Variants in CCNY observed in about 807,000 individuals in gnomAD.
CCNY encodes the protein cyclin Y.
Under a neutral mutation model 42.8 loss-of-function variants are expected in CCNY, and 19 were observed. The observed-to-expected ratio is 0.44, with a 90% CI of 0.31 to 0.65. The LOEUF (loss-of-function observed/expected upper bound fraction) is 0.65, where lower values mean the gene tolerates loss of function less well. CCNY is among the 30% of genes least tolerant of loss of function. CCNY has a pLI of 0.07. For synonymous variants in CCNY, 165 were observed against 162.7 expected (o/e 1.01, Z -0.11); for missense variants, 370 against 437.3 (o/e 0.85, Z 1.37).
At chr10:35,254,119 C>T (rs933136603) in intron 3 of CCNY, among the ~76,000 whole-genome samples, 2 of 152,062 alleles carry the variant, frequency 1.3e-5, no homozygotes, top group South Asian at 2.1e-4. Flanking sequence ...CCTTGTGATC[C>T]GCCGGCCTCA....
At chr10:35,394,549 G>A (rs1564394612) in intron 1 of CCNY, among the ~76,000 whole-genome samples, 3 of 152,208 alleles carry the variant, frequency 2.0e-5, no homozygotes, top group Non-Finnish European at 4.4e-5. Flanking sequence ...AAGTGTATGG[G>A]TCACACGGCC....
At chr10:35,511,511 G>A (rs1840325298) in intron 3 of CCNY, among the ~76,000 whole-genome samples, 1 of 152,200 alleles carries the variant, frequency 6.6e-6, no homozygotes, top group South Asian at 2.1e-4. Flanking sequence ...GTACAAGAAG[G>A]TTTAGGAATG....
Position 35,404,502 on chromosome 10 carries a change from C to T in CCNY, c.154+67295C>T, listed in dbSNP as rs373150125. ...TATATAATGGTTTTGTTAGGATGGC[C>T]GTCAATACCCACAACAGTTATGGAG... On this transcript the variant is annotated intron_variant, in intron 1 of 9. Coordinates refer to ENST00000374704, the MANE Select transcript of CCNY (RefSeq NM_145012.6). 3.7e-4 allele frequency among the ~76,000 whole-genome samples: 56 copies of T among 152,070 alleles called. 1 individual carries two copies. The highest frequency in any genetic ancestry group is 1.4e-3 in the African/African-American group (56 of 41,476).
chr10:35,553,772 T>C (rs1006349652), intron 8 of CCNY, among the ~76,000 whole-genome samples: 1 of 152,090 alleles, frequency 6.6e-6, no homozygotes, highest in Non-Finnish European at 1.5e-5. Flanking sequence ...GACTGAGAGC[T>C]GTCCACTCCC....
rs74505489 is a variant in CCNY, at chr10:35,310,221, T to C, written c.-9+59595T>C. The stretch of plus-strand genomic sequence containing the variant: ...GCTTATTTCATTTCACATAATGTCC[T>C]CCAGGTCAACTCATGTTGCTGCAAA... On this transcript the variant is annotated intron_variant, in intron 3 of 11. Transcript: ENST00000374706. Among the ~76,000 whole-genome samples, 130 of 152,360 alleles carry C rather than the reference T, an allele frequency of 8.5e-4. 1 individual carries two copies. In the East Asian group the frequency reaches 0.024, roughly 28 times the overall value.
chr10:35,464,313 C>T (rs1839213469), intron 1 of CCNY, among the ~76,000 whole-genome samples: 1 of 152,176 alleles, frequency 6.6e-6, no homozygotes, highest in Non-Finnish European at 1.5e-5. Flanking sequence ...ATCTTCAAAT[C>T]CATCTACTTT....
upstream of CCNY, among the ~76,000 whole-genome samples, chr10:35,333,952 T>C (rs932348824): frequency 1.3e-5 from 2 of 150,222 alleles, no homozygotes; most frequent in East Asian, 2.0e-4. Context: ...TCCAGGATTC[T>C]TGACCAAAAG....
intron 3 of CCNY, among the ~76,000 whole-genome samples, chr10:35,272,519 T>C (rs1835183306): frequency 6.6e-6 from 1 of 152,204 alleles, no homozygotes; most frequent in Non-Finnish European, 1.5e-5. Flanking sequence ...GAACATGTGA[T>C]GTTTGGTTTT....
At chr10:35,520,164 A>G (rs1374418869) in intron 4 of CCNY, among the ~76,000 whole-genome samples, 4 of 152,156 alleles carry the variant, frequency 2.6e-5, no homozygotes, top group Non-Finnish European at 5.9e-5. Context: ...CCAGCATCTC[A>G]CACTTGGTGT....
intron 3 of CCNY, chr10:35,316,271 A>G (rs968767007): frequency 5.9e-5 from 9 of 152,374 alleles, no homozygotes; most frequent in Non-Finnish European, 1.2e-4. Context: ...TAACCTGAGC[A>G]TATGCCCCAG....
intron 2 of CCNY, among the ~76,000 whole-genome samples, chr10:35,250,280 A>G (rs2135019745): frequency 6.6e-6 from 1 of 151,852 alleles, no homozygotes; most frequent in East Asian, 1.9e-4. Flanking sequence ...CAGGAGAATC[A>G]CTTGAACCTG....
intron 3 of CCNY, among the ~76,000 whole-genome samples, chr10:35,514,984 C>G (rs1564441912): frequency 6.6e-6 from 1 of 152,182 alleles, no homozygotes; most frequent in Non-Finnish European, 1.5e-5. Context: ...CTGTGACTTA[C>G]ATGTGATTCT....
intron 1 of CCNY, among the ~76,000 whole-genome samples, chr10:35,408,110 G>A (rs997730015): frequency 5.3e-5 from 8 of 152,192 alleles, no homozygotes; most frequent in Non-Finnish European, 7.3e-5. Context: ...TTGAGGGATA[G>A]TGAGAGAGGT....
At chr10:35,475,452 C>T (rs1341255674) in intron 1 of CCNY, among the ~76,000 whole-genome samples, 1 of 151,848 alleles carries the variant, frequency 6.6e-6, no homozygotes, top group African/African-American at 2.4e-5. Context: ...GGCAGAAACC[C>T]TACAAGCCAG....
intron 1 of CCNY, among the ~76,000 whole-genome samples, chr10:35,384,041 C>T (rs985398047): frequency 3.3e-5 from 5 of 152,038 alleles, no homozygotes; most frequent in African/African-American, 1.2e-4. Context: ...GTTTCACAGA[C>T]AGCACACTGG....
At chr10:35,264,826 G>T (rs557076405) in intron 3 of CCNY, among the ~76,000 whole-genome samples, 2 of 151,598 alleles carry the variant, frequency 1.3e-5, no homozygotes, top group Non-Finnish European at 2.9e-5. Context: ...GGCTAATTTC[G>T]CCAAGTTCGC....
chr10:35,323,925 T>C (rs1030190603), intron 3 of CCNY, among the ~76,000 whole-genome samples: 1 of 151,280 alleles, frequency 6.6e-6, no homozygotes, highest in Non-Finnish European at 1.5e-5. Flanking sequence ...GAGGCTGATA[T>C]AGGAGAATCG....
At chr10:35,566,274 T>A in intron 9 of CCNY, 89 bp downstream of exon 9, 1 of 1,286,810 alleles carries the variant, frequency 7.8e-7, no homozygotes, top group South Asian at 1.4e-5. Flanking sequence ...ATTGATCATT[T>A]CCCCCACTAC....
chr10:35,373,537 G>A (rs2135178960), intron 1 of CCNY, among the ~76,000 whole-genome samples: 1 of 152,172 alleles, frequency 6.6e-6, no homozygotes, highest in South Asian at 2.1e-4. Context: ...TTATAACTGG[G>A]TCCACTTATA....
Sources: allele counts gnomAD v4.1 joint callset (sites outside exome capture counted in the v4.1 genomes callset), GRCh38; gene constraint gnomAD v4.1.1; transcripts MANE v1.5; gene names NCBI Gene and HGNC (gene_info 2026-07-23, HGNC 2026-07-21).